The following EHBP1 variants were observed in gnomAD, a reference collection of about 807,000 sequenced individuals.
The protein encoded by EHBP1 is EH domain binding protein 1, also known as EH domain-binding protein 1.
EHBP1 carries 55 observed loss-of-function variants against 144.0 expected under a neutral mutation model. The ratio of observed to expected loss-of-function variants is 0.38; its 90% CI spans 0.31 to 0.48. The LOEUF (loss-of-function observed/expected upper bound fraction) is 0.48. EHBP1 is among the 20% of genes least tolerant of loss of function. The pLI is 0.98. For synonymous variants in EHBP1, 469 were observed against 472.7 expected (o/e 0.99, Z 0.10); for missense variants, 1,200 against 1,364.2 (o/e 0.88, Z 1.90).
intron 2 of EHBP1, among the ~76,000 whole-genome samples, chr2:62,729,589 AAT>A (rs1167475382): frequency 2.3e-5 from 3 of 129,692 alleles, no homozygotes; most frequent in African/African-American, 5.9e-5. Context: ...ATATAATAAT[AAT>A]ATATATAATA....
At chr2:62,682,681 A>G (rs897019632) in intron 1 of EHBP1, among the ~76,000 whole-genome samples, 1 of 152,232 alleles carries the variant, frequency 6.6e-6, no homozygotes, top group African/African-American at 2.4e-5. Context: ...TTGAGCTCTT[A>G]ACGAGGTCAT....
chr2:63,029,462 G>T (rs928124507), intron 19 of EHBP1, among the ~76,000 whole-genome samples: 1 of 149,730 alleles, frequency 6.7e-6, no homozygotes, highest in African/African-American at 2.5e-5. Context: ...GCCTTTGAGG[G>T]CAGGGACCAC....
intron 1 of EHBP1, among the ~76,000 whole-genome samples, chr2:62,681,677 T>C (rs2033536530): frequency 6.6e-6 from 1 of 152,116 alleles, no homozygotes; most frequent in African/African-American, 2.4e-5. Context: ...CCCTGTTTTT[T>C]AGTTTTGCAC....
At chr2:62,814,315 A>G (rs1218251632) in intron 5 of EHBP1, among the ~76,000 whole-genome samples, 1 of 152,244 alleles carries the variant, frequency 6.6e-6, no homozygotes, top group Non-Finnish European at 1.5e-5. Context: ...GCATTCTGCC[A>G]TGGGATGACA....
chr2:63,012,494 A>G (rs1373633096), intron 19 of EHBP1, among the ~76,000 whole-genome samples: 2 of 152,282 alleles, frequency 1.3e-5, no homozygotes, highest in Admixed American at 1.3e-4. Context: ...AAAAAATACT[A>G]ATCTTCAGTT....
At chr2:62,827,012 A>G (rs990722966) in intron 6 of EHBP1, among the ~76,000 whole-genome samples, 11 of 152,252 alleles carry the variant, frequency 7.2e-5, no homozygotes, top group African/African-American at 2.7e-4. Flanking sequence ...TGGAAATTCT[A>G]TACCTAGACT....
chr2:62,911,588 A>G (rs2054220933), intron 10 of EHBP1, among the ~76,000 whole-genome samples: 1 of 152,048 alleles, frequency 6.6e-6, no homozygotes, highest in Non-Finnish European at 1.5e-5. Flanking sequence ...CAGCCTCTCA[A>G]GTAGCTGGGA....
At chr2:62,857,808 T>C (rs2049178076) in intron 7 of EHBP1, among the ~76,000 whole-genome samples, 1 of 152,062 alleles carries the variant, frequency 6.6e-6, no homozygotes. Flanking sequence ...GTTTTTATTA[T>C]AAGATTTTTC....
chr2:62,907,527 T>C (rs1256028378), intron 10 of EHBP1, among the ~76,000 whole-genome samples: 1 of 152,140 alleles, frequency 6.6e-6, no homozygotes, highest in Non-Finnish European at 1.5e-5. Context: ...AGGGTCTGCT[T>C]CATGGTTTAG....
At chr2:63,001,435 T>G (rs1411013362) in intron 19 of EHBP1, among the ~76,000 whole-genome samples, 5 of 152,174 alleles carry the variant, frequency 3.3e-5, no homozygotes. Context: ...TTTCTATACA[T>G]TCTTCAGAAT....
At chr2:62,794,062 C>T (rs999715868) in intron 5 of EHBP1, among the ~76,000 whole-genome samples, 4 of 152,052 alleles carry the variant, frequency 2.6e-5, no homozygotes, top group Non-Finnish European at 2.9e-5. Context: ...TTGTTGTCTT[C>T]GCAATTTAAG....
chr2:62,768,933 A>T (rs2041408525), intron 4 of EHBP1, among the ~76,000 whole-genome samples: 1 of 152,252 alleles, frequency 6.6e-6, no homozygotes, highest in Non-Finnish European at 1.5e-5. Flanking sequence ...ATCTCAATAG[A>T]TGCAGAAAAG....
At chr2:62,868,223 C>G (rs2050190520) in intron 9 of EHBP1, among the ~76,000 whole-genome samples, 1 of 151,872 alleles carries the variant, frequency 6.6e-6, no homozygotes, top group African/African-American at 2.4e-5. Context: ...AAAAAAAATA[C>G]AAAAACTTAG....
At chr2:62,877,741 G>C (rs759948115) in intron 10 of EHBP1, among the ~76,000 whole-genome samples, 5 of 152,146 alleles carry the variant, frequency 3.3e-5, no homozygotes, top group Non-Finnish European at 7.3e-5. Context: ...TGACTTTTGG[G>C]TAAACAAATA....
At chr2:62,858,838 G>A (rs1163970611) in intron 7 of EHBP1, among the ~76,000 whole-genome samples, 5 of 152,084 alleles carry the variant, frequency 3.3e-5, no homozygotes, top group African/African-American at 1.2e-4. Context: ...GCCCATTTCA[G>A]TTATTCCTGT....
At chr2:63,022,772 C>T (rs188264975) in intron 19 of EHBP1, among the ~76,000 whole-genome samples, 29 of 152,342 alleles carry the variant, frequency 1.9e-4, no homozygotes, top group African/African-American at 7.0e-4. Flanking sequence ...CTTGTCACTT[C>T]TGAGCTGAAA....
chr2:62,759,029 G>A (rs543976874), intron 3 of EHBP1, among the ~76,000 whole-genome samples: 29 of 152,218 alleles, frequency 1.9e-4, no homozygotes, highest in Non-Finnish European at 3.7e-4. Context: ...TCTGTACTAG[G>A]TACACGTTTT....
At chr2:62,720,864 T>C (rs2036159211) in intron 2 of EHBP1, among the ~76,000 whole-genome samples, 1 of 152,184 alleles carries the variant, frequency 6.6e-6, no homozygotes, top group Non-Finnish European at 1.5e-5. Context: ...TCATAATGCT[T>C]TAAGAAAGTT....
At chr2:62,849,591 A>G (rs1380582499) in intron 7 of EHBP1, among the ~76,000 whole-genome samples, 1 of 152,196 alleles carries the variant, frequency 6.6e-6, no homozygotes, top group African/African-American at 2.4e-5. Context: ...ATGCATAGAC[A>G]TAGAGATAGA....
Sources: gnomAD v4.1 joint callset for allele counts (sites outside exome capture counted in the v4.1 genomes callset) on GRCh38, gnomAD v4.1.1 for gene constraint, MANE v1.5 for transcripts, NCBI Gene and HGNC (gene_info 2026-07-23, HGNC 2026-07-21) for gene names.